The following HAUS4 variants were observed in gnomAD, a reference collection of about 807,000 sequenced individuals.
HAUS4 encodes the protein HAUS augmin-like complex subunit 4.
HAUS4 carries 34 observed loss-of-function variants against 50.6 expected under a neutral mutation model. The observed-to-expected ratio is 0.67, with a 90% confidence interval of 0.51 to 0.90. The LOEUF (loss-of-function observed/expected upper bound fraction) is 0.90. Among genes scored for constraint, HAUS4 ranks in the 40% least tolerant of loss-of-function variants. HAUS4 has a pLI of 0.00. For missense variants in HAUS4, 370 were observed against 428.7 expected (o/e 0.86, Z 1.21); for synonymous variants, 149 against 161.4 (o/e 0.92, Z 0.58).
In HAUS4 at chr14:22,951,697, A is replaced by G; in HGVS notation, c.331-8T>C. The G allele has an allele frequency of 6.3e-7, 1 of 1,585,470 alleles. No homozygotes were observed. Among genetic ancestry groups the G allele is most frequent in the Non-Finnish European group, 8.6e-7 (1 of 1,167,360 alleles). ...TTCAAGGGTCTCATGAAACTGAGAG[A>G]GAGAGAATAAAAAACAAAAAGAGGC... is the stretch of plus-strand genomic sequence containing the variant. On this transcript the variant is annotated splice_polypyrimidine_tract_variant and splice_region_variant and intron_variant, in intron 4 of 9. Transcript: ENST00000541587.
At chr14:22,947,417 G>T in intron 8 of HAUS4, 178 bp from the exon 9 acceptor site, 1 of 747,708 alleles carries the variant, frequency 1.3e-6, no homozygotes, top group Non-Finnish European at 2.2e-6. Flanking sequence ...TCAGAAGACT[G>T]TAAAAGAAAA....
intron 5 of HAUS4, 37 bp from the exon 6 acceptor site, chr14:22,950,447 A>T (rs1467827297): frequency 7.8e-7 from 1 of 1,281,792 alleles, no homozygotes; most frequent in East Asian, 2.3e-5. Flanking sequence ...ATGCGAATAG[A>T]CTGTAAAAAC....
Position 22,951,549 on chromosome 14 carries a change from G to A in HAUS4, c.465+6C>T, listed in dbSNP as rs750313796. Reference sequence around the variant, plus strand: ...ATTTATTTGGTTCCAATATCTCCCCGCCAACCTCTGAGAGTGGCATGAGTT... The same window carrying A: ...ATTTATTTGGTTCCAATATCTCCCCACCAACCTCTGAGAGTGGCATGAGTT... On this transcript the variant is annotated splice_donor_region_variant and intron_variant, in intron 5 of 9. Coordinates refer to ENST00000541587, the MANE Select transcript of HAUS4 (RefSeq NM_001166269.2). The A allele has an allele frequency of 5.0e-6, 8 of 1,613,506 alleles. No individual in the cohort carries two copies. Among genetic ancestry groups the A allele is most frequent in the South Asian group, 3.3e-5 (3 of 91,036 alleles).
At chr14:22,947,845 G>T (rs1326980364) in intron 7 of HAUS4, 23 bp downstream of exon 7, 16 of 1,611,612 alleles carry the variant, frequency 9.9e-6, no homozygotes, top group Non-Finnish European at 1.4e-5. Flanking sequence ...AAAGGAAAGG[G>T]GCTGTCCCAT....
Position 22,951,554 on chromosome 14 carries a change from C to A in HAUS4, c.465+1G>T. The A allele has an allele frequency of 6.2e-7, 1 of 1,613,910 alleles. No homozygotes were observed. The highest frequency in any genetic ancestry group is 8.5e-7 in the Non-Finnish European group (1 of 1,179,868). On this transcript the variant is annotated splice_donor_variant, in intron 5 of 9. Transcript: ENST00000541587. LOFTEE classifies it high-confidence loss of function. Reference sequence around the variant, plus strand: ...TTTGGTTCCAATATCTCCCCGCCAACCTCTGAGAGTGGCATGAGTTCCAGA... The same window carrying A: ...TTTGGTTCCAATATCTCCCCGCCAAACTCTGAGAGTGGCATGAGTTCCAGA...
rs1356860471 is a variant in HAUS4 at position 22,952,670 on chromosome 14, T to C, written c.69A>G (p.Gln23=). The part of the protein sequence containing the change: ...MEILQQVCSK[Q]LPPCNLSKED... ...CTTTACTCAGGTTACAAGGAGGAAG[T>C]TGTTTGCTGCACACTTAACATCATG... The change falls in exon 3 of 10, where the codon CAA becomes CAG. Residue 23 remains glutamine, a synonymous_variant. Transcript: ENST00000541587. The C allele has an allele frequency of 6.2e-7, 1 of 1,602,776 alleles. No homozygotes were observed. Among genetic ancestry groups the C allele is most frequent in the Non-Finnish European group, 8.5e-7 (1 of 1,176,654 alleles).
At chr14:22,947,768 A>C (rs759114052) in intron 7 of HAUS4, 37 bp from the exon 8 acceptor site, 3 of 1,613,102 alleles carry the variant, frequency 1.9e-6, no homozygotes, top group Non-Finnish European at 2.5e-6. Context: ...GGCATAAATA[A>C]AGATAGTAGA....
At chr14:22,952,492 C>G (rs1434161506) in intron 3 of HAUS4, 33 bp from the exon 4 acceptor site, 2 of 1,613,528 alleles carry the variant, frequency 1.2e-6, no homozygotes, top group African/African-American at 1.3e-5. Flanking sequence ...GTAGGAACCT[C>G]TCTCTCAGGA....
chr14:22,951,607 G>A lies in HAUS4; in HGVS notation c.413C>T (p.Pro138Leu), dbSNP rs887004641. ...GTCCGCTTTCTCCAGCCCCAGCAGT[G>A]GAGGTATCTCCCTCTCCTGGCTAGG... ...LGPSQEREIP[P>L]LLGLEKADLL... Residue 138 changes from proline to leucine, a missense_variant, in exon 5 of 10, where the codon CCA becomes CTA. Pro to Leu is a moderately conservative substitution (Grantham distance 98). Transcript: ENST00000541587. The A allele has an allele frequency of 6.2e-7, 1 of 1,614,056 alleles. No individual in the cohort carries two copies.
chr14:22,955,446 A>C (rs913904795), intron 1 of HAUS4: 2 of 391,538 alleles, frequency 5.1e-6, no homozygotes, highest in African/African-American at 4.1e-5. Context: ...AGCATCCTAA[A>C]AAGAGAACTT....
chr14:22,947,347 T>C, intron 8 of HAUS4, 108 bp from the exon 9 acceptor site: 2 of 815,624 alleles, frequency 2.5e-6, no homozygotes. Context: ...TAAGCACTGA[T>C]AGGATAAACA....
intron 5 of HAUS4, among the ~76,000 whole-genome samples, chr14:22,951,108 C>T (rs747396518): frequency 3.3e-5 from 5 of 152,036 alleles, no homozygotes; most frequent in Non-Finnish European, 7.4e-5. Flanking sequence ...TCAAGTCATC[C>T]TCCTGCCTCT....
At position 22,946,396 on chromosome 14, in the gene HAUS4, G is replaced by T; in HGVS notation, c.*129C>A. ...CCAGGAGAGTGCCTAAATGACTGCA[G>T]TGTTTCAAGCGTAAGCATTTCCACA... On this transcript the variant is annotated 3_prime_UTR_variant, in exon 10 of 10. Transcript: ENST00000541587. 1 of 587,514 alleles carries T rather than the reference G, an allele frequency of 1.7e-6. No individual in the cohort carries two copies. The highest frequency in any genetic ancestry group is 2.8e-6 in the Non-Finnish European group (1 of 352,398). The allele number at this position is 587,514 out of a possible 1,614,324, so 36.4% of individuals were successfully genotyped here.
At position 22,946,457 on chromosome 14, in the gene HAUS4, G is replaced by T; in HGVS notation, c.*68C>A. The T allele has an allele frequency of 7.6e-7, 1 of 1,308,536 alleles. No homozygotes were observed. The highest frequency in any genetic ancestry group is 1.1e-6 in the Non-Finnish European group (1 of 940,272). 81.1% of individuals were successfully genotyped at this position (1,308,536 alleles called of 1,614,324 possible). A position where few individuals can be genotyped will look rare whatever the true frequency, so the allele number is the denominator to read the frequency against. Reference sequence around the variant, plus strand: ...CTGAAGGCAGCCCCAGGTGAAGGTGGTCCCACTAGCAGGAAGATTAGGAGG... The same window carrying T: ...CTGAAGGCAGCCCCAGGTGAAGGTGTTCCCACTAGCAGGAAGATTAGGAGG... On this transcript the variant is annotated 3_prime_UTR_variant, in exon 10 of 10. Coordinates refer to ENST00000541587, the MANE Select transcript of HAUS4 (RefSeq NM_001166269.2).
chr14:22,948,088 CT>C (rs1566645242), intron 6 of HAUS4, 75 bp from the exon 7 acceptor site: 6 of 1,385,062 alleles, frequency 4.3e-6, no homozygotes, highest in African/African-American at 1.5e-5. Flanking sequence ...TCCAGTGCCC[CT>C]ATCCTGTATC....
Position 22,955,082 on chromosome 14 carries a change from G to C in HAUS4, c.55+18C>G, listed in dbSNP as rs2044834793. 1 of 1,573,930 alleles carries C rather than the reference G, an allele frequency of 6.4e-7. No individual in the cohort carries two copies. The highest frequency in any genetic ancestry group is 8.7e-7 in the Non-Finnish European group (1 of 1,143,406). Reference sequence around the variant, plus strand: ...CTCTGGATAAATCATCAAACCTTTTGCAAGTGGCTACTCTTACCTTGTTGA... The same window carrying C: ...CTCTGGATAAATCATCAAACCTTTTCCAAGTGGCTACTCTTACCTTGTTGA... On this transcript the variant is annotated intron_variant, in intron 2 of 9. Coordinates refer to ENST00000541587, the MANE Select transcript of HAUS4 (RefSeq NM_001166269.2).
rs765335506 is a variant in HAUS4, at chr14:22,947,655, C to T, written c.785G>A (p.Arg262His). 172 of 1,613,882 alleles carry T rather than the reference C, an allele frequency of 1.1e-4. No homozygotes were observed. The highest frequency in any genetic ancestry group is 1.4e-4 in the Non-Finnish European group (168 of 1,179,930). ...HRLKTQSELD[R>H]INAQYLEVKC... The stretch of plus-strand genomic sequence containing the variant: ...GACTTCCAGGTACTGGGCATTGATG[C>T]GGTCTAGCTCGGATTGAGTCTTCAG... The change falls in exon 8 of 10, where the codon CGC (arginine) becomes CAC (histidine). Residue 262 changes from arginine (R) to histidine (H), a missense_variant. Coordinates refer to ENST00000541587, the MANE Select transcript of HAUS4 (RefSeq NM_001166269.2).
intron 1 of HAUS4, among the ~76,000 whole-genome samples, chr14:22,956,501 G>A (rs557844301): frequency 6.6e-6 from 1 of 152,128 alleles, no homozygotes; most frequent in Non-Finnish European, 1.5e-5. Context: ...CCCCCCTAGG[G>A]TAAGTGTCCC....
chr14:22,946,369 A>G lies in HAUS4; in HGVS notation c.*156T>C, dbSNP rs2044642923. The G allele has an allele frequency of 2.0e-6, 1 of 491,554 alleles. No individual in the cohort carries two copies. The highest frequency in any genetic ancestry group is 3.5e-6 in the Non-Finnish European group (1 of 283,744). 30.4% of individuals were successfully genotyped at this position (491,554 alleles called of 1,614,324 possible). A position where few individuals can be genotyped will look rare whatever the true frequency, so the allele number is the denominator to read the frequency against. ...GGCCCAGTCATAAAAAATAAAGAGA[A>G]ACCAGGAGAGTGCCTAAATGACTGC... On this transcript the variant is annotated 3_prime_UTR_variant, in exon 10 of 10. Coordinates refer to ENST00000541587, the MANE Select transcript of HAUS4 (RefSeq NM_001166269.2).
Sources: allele counts gnomAD v4.1 joint callset (sites outside exome capture counted in the v4.1 genomes callset), GRCh38; gene constraint gnomAD v4.1.1; transcripts MANE v1.5; gene names NCBI Gene and HGNC (gene_info 2026-07-23, HGNC 2026-07-21).